MAPK10: variants seen among roughly 807,000 people sequenced by gnomAD.
MAPK10 encodes the protein JNK3 alpha protein kinase.
A neutral mutation model predicts 59.3 loss-of-function variants in MAPK10; 25 were observed. The ratio of observed to expected loss-of-function variants is 0.42; its 90% CI spans 0.31 to 0.59. The LOEUF (loss-of-function observed/expected upper bound fraction) is 0.59. Among genes scored for constraint, MAPK10 ranks in the 20% least tolerant of loss-of-function variants. MAPK10 has a pLI of 0.15. For synonymous variants in MAPK10, 190 were observed against 200.5 expected (o/e 0.95, Z 0.44); for missense variants, 351 against 568.9 (o/e 0.62, Z 3.90).
At chr4:86,539,420 A>G (rs1370968959) in intron 1 of MAPK10, among the ~76,000 whole-genome samples, 1 of 152,158 alleles carries the variant, frequency 6.6e-6, no homozygotes, top group African/African-American at 2.4e-5. Flanking sequence ...GATGAGGCAA[A>G]GCCAATCAGA....
At chr4:86,200,481 T>C (rs538910275) in intron 2 of MAPK10, among the ~76,000 whole-genome samples, 4 of 152,152 alleles carry the variant, frequency 2.6e-5, no homozygotes, top group South Asian at 2.1e-4. Context: ...TCCACGTTAC[T>C]GTATTTATCA....
intron 1 of MAPK10, among the ~76,000 whole-genome samples, chr4:86,504,739 A>G (rs772171388): frequency 1.4e-4 from 22 of 152,092 alleles, no homozygotes; most frequent in Non-Finnish European, 2.5e-4. Context: ...TACTGTTTCA[A>G]ATTCTAAATC....
chr4:86,326,815 A>C (rs1444091351), intron 2 of MAPK10: 2 of 152,264 alleles, frequency 1.3e-5, no homozygotes, highest in Non-Finnish European at 2.9e-5. Context: ...CCAGTGGTGC[A>C]GAAAATACAC....
chr4:86,016,824 G>T lies in MAPK10; in HGVS notation c.*404C>A. ...ATCTGACTAGGCCAAGGAGCAGGTA[G>T]ATGCAAGATAGAGACACACACATGC... On this transcript the variant is annotated 3_prime_UTR_variant, in exon 14 of 14. Coordinates refer to ENST00000641462, the MANE Select transcript of MAPK10 (RefSeq NM_138982.4). 1 of 189,202 alleles carries T rather than the reference G, an allele frequency of 5.3e-6. No homozygotes were observed. Among genetic ancestry groups the T allele is most frequent in the Non-Finnish European group, 1.1e-5 (1 of 89,854 alleles). The allele number at this position is 189,202 out of a possible 1,614,324, so 11.7% of individuals were successfully genotyped here.
chr4:86,335,376 T>C (rs6851072), intron 2 of MAPK10, among the ~76,000 whole-genome samples: 108,551 of 151,228 alleles, frequency 0.72, 39,396 homozygotes, highest in South Asian at 0.9. Context: ...ATGTGAAAAA[T>C]AATTTTTTAA....
chr4:86,341,463 G>C (rs1420768244), intron 2 of MAPK10, among the ~76,000 whole-genome samples: 1 of 152,098 alleles, frequency 6.6e-6, no homozygotes, highest in Non-Finnish European at 1.5e-5. Context: ...AAGGAAAATG[G>C]CAAGCCAATT....
chr4:86,150,362 G>A (rs1007242943), intron 4 of MAPK10, among the ~76,000 whole-genome samples: 1 of 152,104 alleles, frequency 6.6e-6, no homozygotes, highest in African/African-American at 2.4e-5. Context: ...ACACCACTTG[G>A]GTGATGGGTG....
intron 1 of MAPK10, among the ~76,000 whole-genome samples, chr4:86,458,443 C>A (rs934478324): frequency 6.6e-6 from 1 of 151,842 alleles, no homozygotes; most frequent in Non-Finnish European, 1.5e-5. Flanking sequence ...GCCTGGGCAA[C>A]AGAGCGAAAC....
chr4:86,278,666 G>T (rs2094678533), intron 2 of MAPK10, among the ~76,000 whole-genome samples: 1 of 152,016 alleles, frequency 6.6e-6, no homozygotes, highest in African/African-American at 2.4e-5. Flanking sequence ...TAAACATATA[G>T]TCACCTTAAC....
chr4:86,461,396 G>T (rs776081071), intron 1 of MAPK10, among the ~76,000 whole-genome samples: 15 of 152,182 alleles, frequency 9.9e-5, no homozygotes, highest in Middle Eastern at 3.2e-3. Context: ...GCAGTTAGTT[G>T]AAATCATTAA....
intron 2 of MAPK10, among the ~76,000 whole-genome samples, chr4:86,332,335 TA>T (rs1340838234): frequency 2.6e-5 from 4 of 152,354 alleles, no homozygotes; most frequent in East Asian, 1.9e-4. Flanking sequence ...ATTGGGAAGT[TA>T]TTTTTTTAAT....
rs146075304 is a variant in MAPK10 at position 86,504,788 on chromosome 4, T to C, written c.-263+89122A>G. 1.6e-3 allele frequency among the ~76,000 whole-genome samples: 236 copies of C among 152,224 alleles called. 4 individuals carry two copies. Among genetic ancestry groups the C allele is most frequent in the African/African-American group, 5.4e-3 (226 of 41,536 alleles). On this transcript the variant is annotated intron_variant, in intron 1 of 4. Transcript: ENST00000502302. ...CCTGAGTGAGCATATGCCTAAGAGC[T>C]GGCAATAAGACACATGATGACTGGC...
In MAPK10 at chr4:86,037,532, AG is replaced by A. The variant is rs2040584890; in HGVS notation, c.1111-6102del. 5.3e-5 allele frequency among the ~76,000 whole-genome samples: 8 copies of A among 152,014 alleles called. 1 individual carries two copies. The South Asian group carries it at 1.7e-3, about 32-fold the overall frequency. On this transcript the variant is annotated intron_variant, in intron 11 of 13. Coordinates refer to ENST00000641462, the MANE Select transcript of MAPK10 (RefSeq NM_138982.4). ...GAGACTCCGTCTAAAAAAAAAAAAA[AG>A]TTGCCCTTTCTTGTGACTTCATTCA...
At chr4:86,153,860 T>C (rs908125861) in intron 4 of MAPK10, among the ~76,000 whole-genome samples, 3 of 152,116 alleles carry the variant, frequency 2.0e-5, no homozygotes, top group Non-Finnish European at 4.4e-5. Flanking sequence ...TAAAAGACAG[T>C]ATTTTGAAGC....
chr4:86,536,439 T>C (rs994194274), intron 1 of MAPK10, among the ~76,000 whole-genome samples: 1 of 152,228 alleles, frequency 6.6e-6, no homozygotes, highest in African/African-American at 2.4e-5. Context: ...CACGATTACG[T>C]TTATTCATCC....
At chr4:86,243,004 C>A (rs1055954294) in intron 2 of MAPK10, among the ~76,000 whole-genome samples, 8 of 152,198 alleles carry the variant, frequency 5.3e-5, no homozygotes, top group African/African-American at 1.9e-4. Flanking sequence ...GTGGGAAAAG[C>A]ACAGTTTTCC....
intron 2 of MAPK10, among the ~76,000 whole-genome samples, chr4:86,332,106 C>T (rs2096168457): frequency 6.6e-6 from 1 of 152,062 alleles, no homozygotes; most frequent in East Asian, 1.9e-4. Flanking sequence ...TTATGGTACA[C>T]AATTTCTTTC....
chr4:86,394,697 C>G (rs956019491), intron 1 of MAPK10, among the ~76,000 whole-genome samples: 1 of 152,110 alleles, frequency 6.6e-6, no homozygotes, highest in African/African-American at 2.4e-5. Context: ...CCATAAATGA[C>G]AGACATTTTA....
intron 1 of MAPK10, among the ~76,000 whole-genome samples, chr4:86,515,889 T>C (rs1413738983): frequency 6.6e-6 from 1 of 151,958 alleles, no homozygotes; most frequent in Non-Finnish European, 1.5e-5. Context: ...GTTGTTGTTT[T>C]TTTTTTGTTT....
Sources: gnomAD v4.1 joint callset for allele counts (sites outside exome capture counted in the v4.1 genomes callset) on GRCh38, gnomAD v4.1.1 for gene constraint, MANE v1.5 for transcripts, NCBI Gene and HGNC (gene_info 2026-07-23, HGNC 2026-07-21) for gene names.